OSBPL9: variants seen among roughly 807,000 people sequenced by gnomAD.
The protein encoded by OSBPL9 is oxysterol-binding protein-related protein 9.
Under a neutral mutation model 106.6 loss-of-function variants are expected in OSBPL9, and 40 were observed. That is an observed-to-expected ratio of 0.38 (90% CI 0.29 to 0.49). The LOEUF (loss-of-function observed/expected upper bound fraction) is 0.49, where lower values mean the gene tolerates loss of function less well. Among genes scored for constraint, OSBPL9 ranks in the 20% least tolerant of loss-of-function variants. OSBPL9 has a pLI of 0.97. For missense variants in OSBPL9, 609 were observed against 887.2 expected, an observed-to-expected ratio of 0.69 and a Z score of 3.98; for synonymous variants, 269 against 295.4, an observed-to-expected ratio of 0.91 and a Z score of 0.92.
At position 51,787,812 on chromosome 1, in the gene OSBPL9, C is replaced by T. The variant is rs201811959; in HGVS notation, c.*23C>T. 5.8e-5 allele frequency: 92 copies of T among 1,585,102 alleles called. No individual in the cohort carries two copies. In the African/African-American group the frequency reaches 1.2e-3, roughly 21 times the overall value. ...TAGGTTGGAAGATGCAAAGTTTATA[C>T]CTGATGATCAGGGCAGTAGGCATAA... On this transcript the variant is annotated 3_prime_UTR_variant, in exon 24 of 24. Transcript: ENST00000428468.
chr1:51,749,014 G>C (rs1668644200), intron 7 of OSBPL9, among the ~76,000 whole-genome samples: 1 of 152,064 alleles, frequency 6.6e-6, no homozygotes, highest in Non-Finnish European at 1.5e-5. Context: ...GAACTGGGGA[G>C]GCAGAAGTTG....
upstream of OSBPL9, among the ~76,000 whole-genome samples, chr1:51,612,975 C>T (rs544989080): frequency 1.2e-3 from 186 of 152,216 alleles, no homozygotes; most frequent in African/African-American, 4.3e-3. Flanking sequence ...ATATTTAAAA[C>T]GGGTGTGATA....
At chr1:51,617,033 G>A (rs1378772170), upstream of OSBPL9, 2 of 953,728 alleles carry the variant, frequency 2.1e-6, no homozygotes, top group Non-Finnish European at 2.9e-6. Context: ...CCCGCCCCCT[G>A]CGGCCCCGCC....
intron 3 of OSBPL9, among the ~76,000 whole-genome samples, chr1:51,711,645 C>T (rs1451929418): frequency 7.2e-6 from 1 of 138,634 alleles, no homozygotes; most frequent in East Asian, 2.2e-4. Context: ...AGGGGCTCCT[C>T]ACTTCTCAGA....
At chr1:51,747,132 A>G (rs756829347) in intron 6 of OSBPL9, among the ~76,000 whole-genome samples, 11 of 152,026 alleles carry the variant, frequency 7.2e-5, no homozygotes, top group Admixed American at 3.9e-4. Flanking sequence ...ACACCTGGCC[A>G]ATTTTTGTAT....
At chr1:51,609,080 A>G (rs149830245) in intron 2 of OSBPL9, among the ~76,000 whole-genome samples, 10 of 152,164 alleles carry the variant, frequency 6.6e-5, no homozygotes, top group African/African-American at 2.4e-4. Flanking sequence ...GACCTAATTC[A>G]TATAGAAATA....
chr1:51,696,610 A>C (rs1306999206), intron 3 of OSBPL9, among the ~76,000 whole-genome samples: 1 of 152,124 alleles, frequency 6.6e-6, no homozygotes, highest in Non-Finnish European at 1.5e-5. Flanking sequence ...TTACACCCAA[A>C]CTTTAATGAG....
chr1:51,636,034 C>T (rs1645412986), intron 1 of OSBPL9, among the ~76,000 whole-genome samples: 1 of 151,248 alleles, frequency 6.6e-6, no homozygotes, highest in Non-Finnish European at 1.5e-5. Context: ...CCTTGGCTAC[C>T]CTAGACCTCA....
chr1:51,672,219 G>T (rs1247473795), intron 3 of OSBPL9, among the ~76,000 whole-genome samples: 1 of 152,196 alleles, frequency 6.6e-6, no homozygotes, highest in Non-Finnish European at 1.5e-5. Context: ...CAGAAGTAGG[G>T]AAACTATTTC....
At chr1:51,657,676 G>A (rs1646897955) in intron 2 of OSBPL9, among the ~76,000 whole-genome samples, 2 of 152,206 alleles carry the variant, frequency 1.3e-5, no homozygotes, top group African/African-American at 2.4e-5. Flanking sequence ...ACTAGACGGT[G>A]CCCTTTCCTT....
At chr1:51,699,560 C>G (rs1369635408) in intron 3 of OSBPL9, among the ~76,000 whole-genome samples, 3 of 152,162 alleles carry the variant, frequency 2.0e-5, no homozygotes, top group African/African-American at 7.2e-5. Context: ...CCTATTTAAG[C>G]TGACCTCTGT....
intron 12 of OSBPL9, among the ~76,000 whole-genome samples, chr1:51,771,202 A>G (rs988521711): frequency 3.3e-5 from 5 of 152,346 alleles, no homozygotes; most frequent in South Asian, 2.1e-4. Context: ...ATTAGAATAC[A>G]TGTTTTCGCA....
intron 4 of OSBPL9, chr1:51,724,772 C>T: frequency 5.3e-6 from 1 of 188,898 alleles, no homozygotes; most frequent in Non-Finnish European, 1.1e-5. Flanking sequence ...TTTTTGTTTT[C>T]TCAGGTGTGA....
chr1:51,713,508 A>G (rs1020124527), intron 3 of OSBPL9, among the ~76,000 whole-genome samples: 1 of 152,190 alleles, frequency 6.6e-6, no homozygotes, highest in Non-Finnish European at 1.5e-5. Flanking sequence ...TTGAACAGAA[A>G]GTAGAGTTCT....
intron 1 of OSBPL9, among the ~76,000 whole-genome samples, chr1:51,632,943 G>A (rs1645198338): frequency 6.6e-6 from 1 of 151,956 alleles, no homozygotes; most frequent in Non-Finnish European, 1.5e-5. Context: ...AAAAAAAAAT[G>A]AGAGTTTTTA....
At chr1:51,618,120 C>A (rs1394338815) in intron 1 of OSBPL9, among the ~76,000 whole-genome samples, 2 of 151,856 alleles carry the variant, frequency 1.3e-5, no homozygotes, top group African/African-American at 4.8e-5. Context: ...CGGGTTCAAG[C>A]GATTCTCCTG....
chr1:51,739,260 T>C (rs529584605), intron 4 of OSBPL9, among the ~76,000 whole-genome samples: 1 of 152,124 alleles, frequency 6.6e-6, no homozygotes, highest in African/African-American at 2.4e-5. Context: ...GAAAAAAAAT[T>C]CAGCTGGATG....
chr1:51,543,193 C>T, the OSBPL9 span, among the ~76,000 whole-genome samples: 7 of 152,286 alleles, frequency 4.6e-5, no homozygotes, highest in South Asian at 2.1e-4. Flanking sequence ...TGAGAAAGAA[C>T]GTGCACTTAA....
intron 3 of OSBPL9, among the ~76,000 whole-genome samples, chr1:51,701,918 A>G (rs959308370): frequency 5.9e-5 from 9 of 151,948 alleles, no homozygotes; most frequent in African/African-American, 2.2e-4. Flanking sequence ...TGTCCTTGCG[A>G]TAGTTTGCTG....
Sources: allele counts gnomAD v4.1 joint callset (sites outside exome capture counted in the v4.1 genomes callset), GRCh38; gene constraint gnomAD v4.1.1; transcripts MANE v1.5; gene names NCBI Gene and HGNC (gene_info 2026-07-23, HGNC 2026-07-21).